MIPEP: variants seen among roughly 807,000 people sequenced by gnomAD.
MIPEP encodes the protein mitochondrial intermediate peptidase.
Under a neutral mutation model 90.3 loss-of-function variants are expected in MIPEP, and 79 were observed. That is an observed-to-expected ratio of 0.87 (90% CI 0.73 to 1.05). The LOEUF is 1.05. Among genes scored for constraint, MIPEP ranks in the 50% least tolerant of loss-of-function variants. The pLI is 0.00. For synonymous variants in MIPEP, 334 were observed against 315.8 expected, an observed-to-expected ratio of 1.06 and a Z score of -0.61; for missense variants, 940 against 905.6, an observed-to-expected ratio of 1.04 and a Z score of -0.49.
chr13:23,824,751 C>A (rs1234440725), intron 14 of MIPEP, among the ~76,000 whole-genome samples: 1 of 152,150 alleles, frequency 6.6e-6, no homozygotes, highest in Non-Finnish European at 1.5e-5. Flanking sequence ...GGAGACAAAA[C>A]CTCAAGCCTA....
At chr13:23,779,158 T>C (rs1176930638) in intron 16 of MIPEP, among the ~76,000 whole-genome samples, 3 of 152,220 alleles carry the variant, frequency 2.0e-5, no homozygotes, top group East Asian at 1.9e-4. Flanking sequence ...TCTATTATTA[T>C]TTAGCAACAG....
chr13:23,879,231 TCA>T, intron 4 of MIPEP, 35 bp downstream of exon 4: 1 of 1,263,900 alleles, frequency 7.9e-7, no homozygotes, highest in East Asian at 2.3e-5. Context: ...ACCTCTAGAG[TCA>T]CAGTCACAAT....
intron 14 of MIPEP, among the ~76,000 whole-genome samples, chr13:23,821,313 C>T (rs1953302162): frequency 6.6e-6 from 1 of 152,122 alleles, no homozygotes; most frequent in Non-Finnish European, 1.5e-5. Context: ...TATTTCAAAG[C>T]AATTTTTACT....
intron 14 of MIPEP, among the ~76,000 whole-genome samples, chr13:23,816,526 G>GT (rs11301731): frequency 4.6e-5 from 7 of 151,626 alleles, no homozygotes; most frequent in South Asian, 2.1e-4. Context: ...TTTGACTGTA[G>GT]TTTTTTTTTG....
chr13:23,886,199 C>T, intron 2 of MIPEP, 134 bp downstream of exon 2: 2 of 597,636 alleles, frequency 3.3e-6, no homozygotes, highest in Non-Finnish European at 5.0e-6. Context: ...AAAAATTATA[C>T]CCAATGGATC....
intron 14 of MIPEP, among the ~76,000 whole-genome samples, chr13:23,833,134 C>A (rs564704275): frequency 1.4e-4 from 21 of 152,152 alleles, no homozygotes; most frequent in Non-Finnish European, 2.6e-4. Flanking sequence ...AAACATGCAA[C>A]CCTGTTATTT....
Position 23,774,354 on chromosome 13 carries a change from C to T in MIPEP, c.1849-14137G>A, listed in dbSNP as rs981713541. ...CAATTGGGAAGTGTGAGCCCTCTAG[C>T]TTTGTTCCTTTTCAAGATTGTTTTG... On this transcript the variant is annotated intron_variant, in intron 16 of 18. Coordinates refer to ENST00000382172, the MANE Select transcript of MIPEP (RefSeq NM_005932.4). Among the ~76,000 whole-genome samples the T allele has an allele frequency of 4.6e-5, 7 of 152,020 alleles. 1 individual carries two copies. Among genetic ancestry groups the T allele is most frequent in the African/African-American group, 1.4e-4 (6 of 41,384 alleles).
At chr13:23,771,846 C>T (rs1447160587) in intron 16 of MIPEP, among the ~76,000 whole-genome samples, 2 of 152,138 alleles carry the variant, frequency 1.3e-5, no homozygotes, top group African/African-American at 4.8e-5. Flanking sequence ...AACTTATTTT[C>T]TCATTTTAAT....
At chr13:23,884,216 G>A (rs1196516187) in intron 2 of MIPEP, among the ~76,000 whole-genome samples, 1 of 150,952 alleles carries the variant, frequency 6.6e-6, no homozygotes, top group Non-Finnish European at 1.5e-5. Context: ...AGAGGTTAGT[G>A]GGGAGGGGGG....
Position 23,841,392 on chromosome 13 carries a change from T to C in MIPEP, c.1203A>G (p.Ser401=). The C allele has an allele frequency of 1.2e-6, 2 of 1,614,142 alleles. No homozygotes were observed. Among genetic ancestry groups the C allele is most frequent in the Non-Finnish European group, 1.7e-6 (2 of 1,180,034 alleles). ...CTTTTGCAGGCTGCTCTGCATATAA[T>C]GAAATCCCCAACAGTCTGTTAAGCA... The part of the protein sequence containing the change: ...NILLNRLLGI[S]LYAEQPAKGE... Residue 401 remains serine, a synonymous_variant, in exon 11 of 19, where the codon TCA becomes TCG. Transcript: ENST00000382172.
At chr13:23,744,060 T>C (rs1281491328) in intron 18 of MIPEP, among the ~76,000 whole-genome samples, 2 of 152,246 alleles carry the variant, frequency 1.3e-5, no homozygotes, top group African/African-American at 4.8e-5. Flanking sequence ...TCCTCATTTA[T>C]TCCTGCTACG....
At chr13:23,762,291 T>C (rs772001618) in intron 16 of MIPEP, among the ~76,000 whole-genome samples, 1 of 152,082 alleles carries the variant, frequency 6.6e-6, no homozygotes, top group African/African-American at 2.4e-5. Flanking sequence ...ATAAGTGAAT[T>C]CTAGTTAACA....
intron 1 of MIPEP, 145 bp downstream of exon 1, chr13:23,888,987 C>T: frequency 1.3e-6 from 1 of 745,108 alleles, no homozygotes; most frequent in Non-Finnish European, 1.9e-6. Flanking sequence ...TCATCGAGAG[C>T]GCACACAAGA....
At chr13:23,845,131 A>G (rs1163582340) in intron 10 of MIPEP, among the ~76,000 whole-genome samples, 2 of 152,162 alleles carry the variant, frequency 1.3e-5, no homozygotes, top group African/African-American at 4.8e-5. Flanking sequence ...ACTATCTCGC[A>G]ATTTTATTTA....
Position 23,889,157 on chromosome 13 carries a change from CG to C in MIPEP, c.163del (p.Arg55AlafsTer17). On this transcript the variant is annotated frameshift_variant, in exon 1 of 19. Transcript: ENST00000382172. LOFTEE classifies it high-confidence loss of function. ...AAFNVKPQGS[R>X]LDLFGERRGL... ...CCGGCGCTCGCCGAACAGGTCCAAGCGGCTGCCCTGGGGCTTGACATTGAAG... is the reference window on the plus strand; with the variant it reads ...CCGGCGCTCGCCGAACAGGTCCAAGCGCTGCCCTGGGGCTTGACATTGAAG... 6.8e-7 allele frequency: 1 copy of C among 1,462,390 alleles called. No individual in the cohort carries two copies. The highest frequency in any genetic ancestry group is 9.0e-7 in the Non-Finnish European group (1 of 1,108,538). The allele number at this position is 1,462,390 out of a possible 1,614,324, so 90.6% of individuals were successfully genotyped here.
At chr13:23,784,762 G>T (rs1952819341) in intron 16 of MIPEP, among the ~76,000 whole-genome samples, 1 of 152,002 alleles carries the variant, frequency 6.6e-6, no homozygotes, top group Non-Finnish European at 1.5e-5. Flanking sequence ...TAATATCTAG[G>T]ATCTACAAAG....
intron 16 of MIPEP, among the ~76,000 whole-genome samples, chr13:23,779,226 A>G (rs983972925): frequency 6.6e-6 from 1 of 152,238 alleles, no homozygotes; most frequent in African/African-American, 2.4e-5. Flanking sequence ...CAGCTATTGG[A>G]AAGCAGCAGC....
rs770810643 is a variant in MIPEP at position 23,870,201 on chromosome 13, T to C, written c.604-6A>G. 1.3e-6 allele frequency: 2 copies of C among 1,520,418 alleles called. No homozygotes were observed. The highest frequency in any genetic ancestry group is 1.4e-5 in the South Asian group (1 of 73,946). The allele number at this position is 1,520,418 out of a possible 1,614,324, so 94.2% of individuals were successfully genotyped here. A position where few individuals can be genotyped will look rare whatever the true frequency, so the allele number is the denominator to read the frequency against. On this transcript the variant is annotated splice_region_variant and splice_polypyrimidine_tract_variant and intron_variant, in intron 5 of 18. Transcript: ENST00000382172. The stretch of plus-strand genomic sequence containing the variant: ...AGGTCCACTGCTCTTTTACGCTGTA[T>C]GCAGGAGGAGTAAAAGTTATTTAAA...
chr13:23,876,444 G>C (rs1871077357), intron 4 of MIPEP, among the ~76,000 whole-genome samples: 1 of 152,138 alleles, frequency 6.6e-6, no homozygotes, highest in Non-Finnish European at 1.5e-5. Flanking sequence ...TTCCATTCTA[G>C]AGATGCAGTT....
Sources: gnomAD v4.1 joint callset for allele counts (sites outside exome capture counted in the v4.1 genomes callset) on GRCh38, gnomAD v4.1.1 for gene constraint, MANE v1.5 for transcripts, NCBI Gene and HGNC (gene_info 2026-07-23, HGNC 2026-07-21) for gene names.